PIP5K1C: variants seen among roughly 807,000 people sequenced by gnomAD.
PIP5K1C encodes phosphatidylinositol-4-phosphate 5-kinase type 1 gamma.
In PIP5K1C, 45 loss-of-function variants were observed where a neutral mutation model predicts 80.1. The observed-to-expected ratio is 0.56, with a 90% CI of 0.44 to 0.72. The LOEUF (loss-of-function observed/expected upper bound fraction) is 0.72, where lower values mean the gene tolerates loss of function less well. Ranked by LOEUF, PIP5K1C falls within the 30% of genes least tolerant of loss-of-function variation. The probability of loss-of-function intolerance (pLI) is 0.00; values close to 1 mark genes in which losing one functional copy is unlikely to be tolerated. For missense variants in PIP5K1C, 753 were observed against 954.6 expected (o/e 0.79, Z 2.78); for synonymous variants, 498 against 420.1 (o/e 1.19, Z -2.27).
chr19:3,643,205 G>A (rs776684308), intron 13 of PIP5K1C, 38 bp downstream of exon 13: 12 of 1,609,320 alleles, frequency 7.5e-6, no homozygotes, highest in South Asian at 1.1e-5. Flanking sequence ...ACGCACAGCG[G>A]ATGCCCCGCC....
At chr19:3,655,805 C>T (rs887916418) in intron 6 of PIP5K1C, among the ~76,000 whole-genome samples, 1 of 152,188 alleles carries the variant, frequency 6.6e-6, no homozygotes, top group African/African-American at 2.4e-5. Flanking sequence ...ATGGAAGGCG[C>T]CCACCTCGTC....
intron 12 of PIP5K1C, among the ~76,000 whole-genome samples, chr19:3,643,714 C>T (rs866298445): frequency 6.6e-6 from 1 of 150,446 alleles, no homozygotes; most frequent in Non-Finnish European, 1.5e-5. Context: ...CTTGGCCACA[C>T]GGGCTCCTTG....
intron 1 of PIP5K1C, among the ~76,000 whole-genome samples, chr19:3,682,696 A>T (rs2035624396): frequency 2.0e-5 from 3 of 152,136 alleles, no homozygotes; most frequent in Admixed American, 2.0e-4. Flanking sequence ...CTATAAAAAA[A>T]TTAAAAAAAT....
At chr19:3,687,465 G>A (rs1322575782) in intron 1 of PIP5K1C, among the ~76,000 whole-genome samples, 1 of 151,824 alleles carries the variant, frequency 6.6e-6, no homozygotes, top group African/African-American at 2.4e-5. Flanking sequence ...GAGCGGTGAG[G>A]GCCTGTGGGA....
rs771191741 is a variant in PIP5K1C at position 3,648,677 on chromosome 19, C to T, written c.1159G>A (p.Gly387Arg). 5.6e-6 allele frequency: 9 copies of T among 1,612,906 alleles called. No homozygotes were observed. The highest frequency in any genetic ancestry group is 1.1e-5 in the South Asian group (1 of 91,092). The change falls in exon 9 of 18, where the codon GGG becomes AGG. Residue 387 changes from glycine to arginine, a missense_variant. By Grantham distance (125) the Gly-to-Arg change is moderately radical. Transcript: ENST00000335312. This position sits in a 1 kb window ranked among gnomAD's most constrained non-coding sequence, Gnocchi z 4.3. ...MGGIPAVNGR[G>R]ERLLLHIGII... ...CCAATGTGCAGCAGCAGCCGCTCCC[C>T]GCGGCCGTTCACAGCGGGGATCCCG... is the stretch of plus-strand genomic sequence containing the variant.
At chr19:3,655,605 A>G (rs1371021508) in intron 6 of PIP5K1C, among the ~76,000 whole-genome samples, 1 of 152,230 alleles carries the variant, frequency 6.6e-6, no homozygotes, top group Non-Finnish European at 1.5e-5. Flanking sequence ...CTGGAGACAC[A>G]GCACACTGGC....
intron 1 of PIP5K1C, among the ~76,000 whole-genome samples, chr19:3,697,513 A>C (rs373052115): frequency 2.0e-5 from 3 of 149,162 alleles, no homozygotes; most frequent in Non-Finnish European, 4.5e-5. Flanking sequence ...AGGGAGGACC[A>C]AGCTGGACCC....
chr19:3,638,753 T>G, intron 16 of PIP5K1C, 131 bp downstream of exon 16: 3 of 1,177,378 alleles, frequency 2.5e-6, no homozygotes, highest in Non-Finnish European at 3.7e-6. Context: ...TGAGAGAGCA[T>G]GTGGGTGGGT....
chr19:3,633,830 T>A (rs1423381402), intron 16 of PIP5K1C, among the ~76,000 whole-genome samples: 5 of 152,042 alleles, frequency 3.3e-5, no homozygotes, highest in African/African-American at 7.2e-5. Flanking sequence ...GGTCGCGACC[T>A]GGAGCACCGA....
chr19:3,644,027 G>A (rs374027025), intron 12 of PIP5K1C, 60 bp downstream of exon 12: 65 of 1,583,518 alleles, frequency 4.1e-5, no homozygotes, highest in African/African-American at 1.2e-4. Context: ...CCCCACCCAC[G>A]GGGCTGCTGC....
At chr19:3,655,883 C>T (rs542218315) in intron 6 of PIP5K1C, among the ~76,000 whole-genome samples, 19 of 152,226 alleles carry the variant, frequency 1.2e-4, no homozygotes, top group South Asian at 2.1e-4. Context: ...CCTACTCCCC[C>T]CTCCCGGGGC....
rs1206460848 is a variant in PIP5K1C, at chr19:3,631,801, G to A, written c.*1366C>T. On this transcript the variant is annotated 3_prime_UTR_variant, in exon 18 of 18. Transcript: ENST00000335312. ...ACAAAACACAGAGCCCTGCCTGGGA[G>A]GTTCTCCGGCCGTCTCAGACCCCAC... 6.6e-6 allele frequency: 1 copy of A among 152,308 alleles called. No individual in the cohort carries two copies. Among genetic ancestry groups the A allele is most frequent in the African/African-American group, 2.4e-5 (1 of 41,470 alleles). 9.4% of individuals were successfully genotyped at this position (152,308 alleles called of 1,614,324 possible).
intron 5 of PIP5K1C, among the ~76,000 whole-genome samples, chr19:3,660,392 A>G (rs962186858): frequency 4.4e-4 from 66 of 151,502 alleles, no homozygotes; most frequent in African/African-American, 1.4e-3. Context: ...AAAAAAAAAA[A>G]GGGGGTGCTG....
Position 3,637,474 on chromosome 19 carries a change from G to A in PIP5K1C, c.1920+1410C>T, listed in dbSNP as rs1397438035. The A allele has an allele frequency of 1.3e-6, 2 of 1,535,704 alleles. No individual in the cohort carries two copies. The highest frequency in any genetic ancestry group is 4.9e-5 in the East Asian group (2 of 40,890). The stretch of plus-strand genomic sequence containing the variant: ...CTGAGCTTCCGGCCGGGGACCTGCG[G>A]CTCCCTGCTGCCCGAGGGGCACTGC... On this transcript the variant is annotated intron_variant, in intron 16 of 17. Transcript: ENST00000335312. This position sits in a 1 kb window ranked among gnomAD's most constrained non-coding sequence, Gnocchi z 7.0.
chr19:3,635,353 C>A (rs908229919), intron 16 of PIP5K1C, among the ~76,000 whole-genome samples: 1 of 152,054 alleles, frequency 6.6e-6, no homozygotes, highest in Non-Finnish European at 1.5e-5. Context: ...TCAAGACCAG[C>A]CTGGCCAATA....
chr19:3,667,465 C>T lies in PIP5K1C; in HGVS notation c.95-112G>A, dbSNP rs867134551. The T allele has an allele frequency of 6.2e-5, 71 of 1,150,490 alleles. 3 individuals are homozygous for T. In the Middle Eastern group the frequency reaches 3.5e-3, roughly 57 times the overall value. The allele number at this position is 1,150,490 out of a possible 1,614,324, so 71.3% of individuals were successfully genotyped here. ...CCCAGGCCTGGCGTGTGTAACTCCG[C>T]GTGGGGCTGGTCTCAAGGCTACACA... On this transcript the variant is annotated intron_variant, in intron 1 of 17. Coordinates refer to ENST00000335312, the MANE Select transcript of PIP5K1C (RefSeq NM_012398.3).
chr19:3,694,469 G>A (rs1393009767), intron 1 of PIP5K1C, among the ~76,000 whole-genome samples: 1 of 152,184 alleles, frequency 6.6e-6, no homozygotes, highest in Non-Finnish European at 1.5e-5. Flanking sequence ...CAGGGCCCAG[G>A]CCAAAATCCT....
intron 1 of PIP5K1C, among the ~76,000 whole-genome samples, chr19:3,684,679 G>A (rs8104120): frequency 1.8e-4 from 27 of 152,236 alleles, no homozygotes; most frequent in African/African-American, 6.3e-4. Context: ...TCTCAGTGTG[G>A]CAGTGGTTTG....
chr19:3,698,174 G>A (rs1568367679), intron 1 of PIP5K1C, among the ~76,000 whole-genome samples: 1 of 152,248 alleles, frequency 6.6e-6, no homozygotes, highest in African/African-American at 2.4e-5. Flanking sequence ...ATGGGCCTCA[G>A]CAGGGGCCTG....
Sources: allele counts gnomAD v4.1 joint callset (sites outside exome capture counted in the v4.1 genomes callset), GRCh38; gene constraint gnomAD v4.1.1; non-coding constraint Gnocchi (gnomAD v3.1); transcripts MANE v1.5; gene names NCBI Gene and HGNC (gene_info 2026-07-23, HGNC 2026-07-21).